ANKFN1: variants seen among roughly 807,000 people sequenced by gnomAD.
ANKFN1 encodes the protein ankyrin repeat and fibronectin type-III domain-containing protein 1.
A neutral mutation model predicts 108.7 loss-of-function variants in ANKFN1; 74 were observed. The ratio of observed to expected loss-of-function variants is 0.68; its 90% CI spans 0.56 to 0.83. The LOEUF (loss-of-function observed/expected upper bound fraction) is 0.83. Ranked by LOEUF, ANKFN1 falls within the 40% of genes least tolerant of loss-of-function variation. The pLI is 0.00. For missense variants in ANKFN1, 1,505 were observed against 1,382.3 expected (o/e 1.09, Z -1.41); for synonymous variants, 547 against 516.2 (o/e 1.06, Z -0.81).
chr17:56,067,231 A>T (rs1189290811), intron 4 of ANKFN1, among the ~76,000 whole-genome samples: 1 of 151,300 alleles, frequency 6.6e-6, no homozygotes, highest in Non-Finnish European at 1.5e-5. Context: ...ATAGTACTCC[A>T]TTATATATAT....
intron 20 of ANKFN1, among the ~76,000 whole-genome samples, chr17:56,500,958 C>T (rs1009062039): frequency 6.6e-6 from 1 of 152,080 alleles, no homozygotes; most frequent in African/African-American, 2.4e-5. Context: ...GTGTATAATA[C>T]AAAACAGCAG....
chr17:56,340,076 A>G (rs1358993234), intron 4 of ANKFN1, among the ~76,000 whole-genome samples: 2 of 152,066 alleles, frequency 1.3e-5, no homozygotes, highest in Non-Finnish European at 2.9e-5. Context: ...CTTTTTTCAT[A>G]TGATTGTTGG....
At chr17:56,195,162 A>G (rs1311859762) in intron 1 of ANKFN1, among the ~76,000 whole-genome samples, 3 of 152,190 alleles carry the variant, frequency 2.0e-5, no homozygotes. Context: ...AAACTCCTCC[A>G]TCTAGATTGG....
At chr17:56,052,207 G>A (rs1269992830) in intron 4 of ANKFN1, among the ~76,000 whole-genome samples, 1 of 152,122 alleles carries the variant, frequency 6.6e-6, no homozygotes, top group Non-Finnish European at 1.5e-5. Flanking sequence ...GCATGGTACT[G>A]GTACCAAAAC....
At chr17:56,223,260 G>T (rs1567847791) in intron 2 of ANKFN1, among the ~76,000 whole-genome samples, 2 of 152,140 alleles carry the variant, frequency 1.3e-5, no homozygotes, top group Admixed American at 6.5e-5. Context: ...GAAAACGGGG[G>T]TGTTGGGCAA....
At chr17:56,377,349 G>T (rs1256393733) in intron 8 of ANKFN1, among the ~76,000 whole-genome samples, 2 of 152,130 alleles carry the variant, frequency 1.3e-5, no homozygotes. Context: ...TTCACACCGT[G>T]GGGGCACGCA....
chr17:56,250,027 C>A (rs906549859), intron 3 of ANKFN1, among the ~76,000 whole-genome samples: 1 of 152,092 alleles, frequency 6.6e-6, no homozygotes, highest in Non-Finnish European at 1.5e-5. Flanking sequence ...GACGTTGGAG[C>A]CCCACTTGCT....
At chr17:56,509,383 C>A (rs1025961584) in intron 20 of ANKFN1, among the ~76,000 whole-genome samples, 25 of 152,274 alleles carry the variant, frequency 1.6e-4, no homozygotes, top group Admixed American at 6.5e-5. Flanking sequence ...CAAGGTTGCT[C>A]CATGACCTCA....
At chr17:56,214,253 T>C (rs557152973) in intron 2 of ANKFN1, among the ~76,000 whole-genome samples, 8 of 152,116 alleles carry the variant, frequency 5.3e-5, no homozygotes, top group Non-Finnish European at 1.2e-4. Context: ...TAGAAAACGT[T>C]TAGAGGAACC....
intron 6 of ANKFN1, chr17:56,368,342 C>T (rs1454298102): frequency 2.3e-5 from 6 of 259,876 alleles, no homozygotes; most frequent in Non-Finnish European, 2.9e-5. Context: ...TGCAGTGGTG[C>T]GATCTTGGCT....
chr17:56,371,924 CT>C (rs1212736848), intron 6 of ANKFN1, among the ~76,000 whole-genome samples: 1 of 152,140 alleles, frequency 6.6e-6, no homozygotes, highest in East Asian at 1.9e-4. Flanking sequence ...GCAAGAGGGG[CT>C]TATATAACTT....
intron 3 of ANKFN1, among the ~76,000 whole-genome samples, chr17:56,302,074 G>A (rs1005436592): frequency 6.6e-6 from 1 of 152,100 alleles, no homozygotes; most frequent in African/African-American, 2.4e-5. Flanking sequence ...AGAACTTTAT[G>A]GTAAGTATCA....
intron 1 of ANKFN1, among the ~76,000 whole-genome samples, chr17:56,171,348 A>G (rs897848077): frequency 3.3e-5 from 5 of 152,120 alleles, no homozygotes; most frequent in Non-Finnish European, 7.3e-5. Context: ...CTCCAGGATT[A>G]ATTAGCCTGG....
intron 14 of ANKFN1, among the ~76,000 whole-genome samples, chr17:56,459,104 T>G (rs1274670836): frequency 5.9e-5 from 9 of 151,596 alleles, no homozygotes; most frequent in Non-Finnish European, 1.0e-4. Context: ...CTCACTCGGG[T>G]TTTTTTTGGG....
At chr17:56,149,854 C>T (rs189687401), upstream of ANKFN1, among the ~76,000 whole-genome samples, 430 of 152,332 alleles carry the variant, frequency 2.8e-3, 2 homozygotes, top group African/African-American at 9.8e-3. Context: ...CAGGAGGATT[C>T]GGGAAGACTG....
At chr17:56,355,445 G>C (rs1362715150) in intron 6 of ANKFN1, among the ~76,000 whole-genome samples, 3 of 152,098 alleles carry the variant, frequency 2.0e-5, no homozygotes, top group Non-Finnish European at 4.4e-5. Flanking sequence ...AAAGTCAGTG[G>C]GTCCAAAGCA....
intron 4 of ANKFN1, among the ~76,000 whole-genome samples, chr17:56,053,593 T>C (rs1228028408): frequency 6.6e-6 from 1 of 152,224 alleles, no homozygotes; most frequent in African/African-American, 2.4e-5. Context: ...TTGGCTATTG[T>C]GAACAGAGCT....
At chr17:56,291,672 C>G (rs1443002780) in intron 3 of ANKFN1, among the ~76,000 whole-genome samples, 2 of 152,146 alleles carry the variant, frequency 1.3e-5, no homozygotes, top group Admixed American at 6.6e-5. Flanking sequence ...CTGCAGATGG[C>G]CTAGCCAACT....
chr17:56,251,471 G>A (rs1312606724), intron 3 of ANKFN1, among the ~76,000 whole-genome samples: 1 of 152,134 alleles, frequency 6.6e-6, no homozygotes, highest in Non-Finnish European at 1.5e-5. Context: ...TAAAAATGAA[G>A]CCTCTGTTTG....
Sources: gnomAD v4.1 joint callset for allele counts (sites outside exome capture counted in the v4.1 genomes callset) on GRCh38, gnomAD v4.1.1 for gene constraint, MANE v1.5 for transcripts, NCBI Gene and HGNC (gene_info 2026-07-23, HGNC 2026-07-21) for gene names.